BTD: variants seen among roughly 807,000 people sequenced by gnomAD.
The protein encoded by BTD is biotinidase.
BTD carries 13 observed loss-of-function variants against 17.7 expected under a neutral mutation model. The ratio of observed to expected loss-of-function variants is 0.74; its 90% CI spans 0.48 to 1.17. The LOEUF (loss-of-function observed/expected upper bound fraction) is 1.17, where lower values mean the gene tolerates loss of function less well. Among genes scored for constraint, BTD ranks in the 50% most tolerant of loss-of-function variants. The pLI is 0.00. For synonymous variants in BTD, 240 were observed against 245.2 expected (o/e 0.98, Z 0.20); for missense variants, 674 against 650.4 (o/e 1.04, Z -0.39).
intron 3 of BTD, chr3:15,685,354 T>G (rs1575138532): frequency 6.2e-7 from 1 of 1,613,978 alleles, no homozygotes; most frequent in Non-Finnish European, 8.5e-7. Flanking sequence ...AGCAGACAGG[T>G]GTATAGGCGT....
At chr3:15,691,120 G>A (rs935813520) in intron 3 of BTD, among the ~76,000 whole-genome samples, 7 of 151,102 alleles carry the variant, frequency 4.6e-5, no homozygotes, top group African/African-American at 1.7e-4. Context: ...TCAGACTGAA[G>A]TTGTCTTTTT....
Position 15,635,717 on chromosome 3 carries a change from C to T in BTD, c.249+29C>T, listed in dbSNP as rs761739166. On this transcript the variant is annotated intron_variant, in intron 2 of 3. Transcript: ENST00000643237. The surrounding 1 kb of genome is among the most constrained non-coding windows in gnomAD (Gnocchi z 4.1). Reference sequence around the variant, plus strand: ...AGAATGCTCCTCGGAACCTGAGTTTCTCTCATACAGAGCAGATTGCTCTTT... The same window carrying T: ...AGAATGCTCCTCGGAACCTGAGTTTTTCTCATACAGAGCAGATTGCTCTTT... The T allele has an allele frequency of 3.7e-6, 6 of 1,613,810 alleles. No homozygotes were observed. Among genetic ancestry groups the T allele is most frequent in the Non-Finnish European group, 5.1e-6 (6 of 1,179,974 alleles).
intron 3 of BTD, among the ~76,000 whole-genome samples, chr3:15,643,978 ATTTATTTATTT>A (rs2125497936): frequency 8.7e-6 from 1 of 114,968 alleles, no homozygotes; most frequent in African/African-American, 6.0e-5. Flanking sequence ...TAATTTATTT[ATTTATTTATTT>A]ATTTATTTAT....
chr3:15,673,420 T>C (rs2066581335), intron 3 of BTD, among the ~76,000 whole-genome samples: 1 of 152,226 alleles, frequency 6.6e-6, no homozygotes. Context: ...AGGCACTATT[T>C]AGAACACTAA....
In BTD at chr3:15,650,103, C is replaced by T. The variant is rs1282834246; in HGVS notation, c.*4615C>T. Among the ~76,000 whole-genome samples the T allele has an allele frequency of 3.3e-5, 5 of 152,206 alleles. No individual in the cohort carries two copies. In the South Asian group the frequency reaches 6.2e-4, roughly 19 times the overall value. On this transcript the variant is annotated 3_prime_UTR_variant, in exon 4 of 4. Coordinates refer to ENST00000643237, the MANE Select transcript of BTD (RefSeq NM_001370658.1). ...TCCTATTCATCTTTTGTCTCTGCAGCGTTCAGCATGGCACTGTCTTGGCTT... is the reference window on the plus strand; with the variant it reads ...TCCTATTCATCTTTTGTCTCTGCAGTGTTCAGCATGGCACTGTCTTGGCTT...
At chr3:15,642,541 G>T (rs548272878) in intron 3 of BTD, among the ~76,000 whole-genome samples, 3 of 146,110 alleles carry the variant, frequency 2.1e-5, no homozygotes, top group African/African-American at 7.6e-5. Context: ...TGCAAGCTCT[G>T]CCTTCCGGGT....
rs764770052 is a variant in BTD, at chr3:15,645,018, G to T, written c.1102G>T (p.Val368Leu). Residue 368 changes from valine (V) to leucine (L), a missense_variant, in exon 4 of 4, where the codon GTG (valine) becomes TTG (leucine). Physicochemically the swap from Val to Leu is conservative, Grantham distance 32. Coordinates refer to ENST00000643237, the MANE Select transcript of BTD (RefSeq NM_001370658.1). ...CTGTGATGAGGCCACCAAGTGGAAC[G>T]TGAATGCTCCTCCCACATTTCACTC... Reference protein sequence around the residue: ...VHCDEATKWNVNAPPTFHSEM... With the variant: ...VHCDEATKWNLNAPPTFHSEM... 3 of 1,614,194 alleles carry T rather than the reference G, an allele frequency of 1.9e-6. No homozygotes were observed. The highest frequency in any genetic ancestry group is 2.2e-5 in the East Asian group (1 of 44,888).
chr3:15,677,610 T>G, intron 3 of BTD: 1 of 1,399,210 alleles, frequency 7.1e-7, no homozygotes, highest in Non-Finnish European at 1.0e-6. Flanking sequence ...ACATGTTTCT[T>G]AGATTACCAA....
At chr3:15,712,471 C>A (rs2072438711) in exon 4 of BTD, among the ~76,000 whole-genome samples, 1 of 152,172 alleles carries the variant, frequency 6.6e-6, no homozygotes, top group Non-Finnish European at 1.5e-5. Context: ...ACGTGAGAAG[C>A]CATTCTGTGC....
At chr3:15,695,930 G>A (rs968456857) in intron 3 of BTD, among the ~76,000 whole-genome samples, 3 of 152,164 alleles carry the variant, frequency 2.0e-5, no homozygotes, top group African/African-American at 7.2e-5. Flanking sequence ...GCCCTCTTCA[G>A]AGATCTAATT....
At chr3:15,615,094 G>C (rs1180503901) in intron 1 of BTD, among the ~76,000 whole-genome samples, 1 of 152,068 alleles carries the variant, frequency 6.6e-6, no homozygotes, top group Non-Finnish European at 1.5e-5. Context: ...TTGAGCTCTT[G>C]TTTACCTTGT....
intron 1 of BTD, chr3:15,631,468 T>C (rs928220347): frequency 1.3e-6 from 2 of 1,535,272 alleles, no homozygotes; most frequent in Non-Finnish European, 8.7e-7. Context: ...GAAACACAGC[T>C]AATTATTAAG....
chr3:15,676,057 C>T (rs1354561262), intron 3 of BTD: 1 of 1,321,196 alleles, frequency 7.6e-7, no homozygotes, highest in South Asian at 1.4e-5. Context: ...ACACACCTGG[C>T]TGTCAAAGAG....
intron 3 of BTD, among the ~76,000 whole-genome samples, chr3:15,663,280 C>T (rs896762290): frequency 9.8e-5 from 15 of 152,324 alleles, no homozygotes; most frequent in East Asian, 7.7e-4. Context: ...AGGCGTGAGC[C>T]GCCGCGCCTG....
rs533742644 is a variant in BTD at position 15,667,942 on chromosome 3, G to A, written c.399+25885G>A. ...AATAGTGTGTCAAATGAGTCCTTCTGGAAATCACTTCAGCAGAGAAGTCAA... is the reference window on the plus strand; with the variant it reads ...AATAGTGTGTCAAATGAGTCCTTCTAGAAATCACTTCAGCAGAGAAGTCAA... On this transcript the variant is annotated intron_variant, in intron 3 of 3. Coordinates refer to the BTD transcript ENST00000672141. 2.0e-5 allele frequency: 3 copies of A among 152,268 alleles called. No homozygotes were observed. In the East Asian group the frequency reaches 5.8e-4, roughly 29 times the overall value. 9.4% of individuals were successfully genotyped at this position (152,268 alleles called of 1,614,324 possible). A position where few individuals can be genotyped will look rare whatever the true frequency, so the allele number is the denominator to read the frequency against.
At chr3:15,710,800 T>C (rs915785374) in exon 4 of BTD, among the ~76,000 whole-genome samples, 3 of 151,962 alleles carry the variant, frequency 2.0e-5, no homozygotes, top group Admixed American at 1.3e-4. Flanking sequence ...CTAGTAGAGG[T>C]AAGACACAGC....
chr3:15,719,834 C>T (rs751437554), intron 4 of BTD, among the ~76,000 whole-genome samples: 3 of 151,968 alleles, frequency 2.0e-5, no homozygotes, highest in Admixed American at 6.6e-5. Flanking sequence ...GGATTACAAG[C>T]GTGAGCCAGA....
intron 3 of BTD, chr3:15,690,232 T>A: frequency 1.3e-6 from 2 of 1,545,192 alleles, no homozygotes; most frequent in Non-Finnish European, 8.7e-7. Context: ...TAGAAATAAA[T>A]AAAAATGTAA....
At chr3:15,605,164 T>C (rs1327152827) in intron 1 of BTD, among the ~76,000 whole-genome samples, 1 of 152,234 alleles carries the variant, frequency 6.6e-6, no homozygotes, top group Admixed American at 6.5e-5. Context: ...TACTCAAAAC[T>C]GGGTAATTTA....
Sources: allele counts gnomAD v4.1 joint callset (sites outside exome capture counted in the v4.1 genomes callset), GRCh38; gene constraint gnomAD v4.1.1; non-coding constraint Gnocchi (gnomAD v3.1); transcripts MANE v1.5; gene names NCBI Gene and HGNC (gene_info 2026-07-23, HGNC 2026-07-21).